KCNIP4: variants seen among roughly 807,000 people sequenced by gnomAD.
KCNIP4 encodes potassium voltage-gated channel interacting protein 4.
In KCNIP4, 12 loss-of-function variants were observed where a neutral mutation model predicts 34.0. That is an observed-to-expected ratio of 0.35 (90% confidence interval 0.23 to 0.57). The LOEUF (loss-of-function observed/expected upper bound fraction) is 0.57, where lower values mean the gene tolerates loss of function less well. Among genes scored for constraint, KCNIP4 ranks in the 20% least tolerant of loss-of-function variants. The pLI is 0.83. For synonymous variants in KCNIP4, 124 were observed against 102.2 expected, an observed-to-expected ratio of 1.21 and a Z score of -1.29; for missense variants, 238 against 311.7, an observed-to-expected ratio of 0.76 and a Z score of 1.78.
chr4:21,687,152 C>T (rs1250934747), intron 1 of KCNIP4, among the ~76,000 whole-genome samples: 1 of 115,398 alleles, frequency 8.7e-6, no homozygotes, highest in Non-Finnish European at 1.7e-5. Flanking sequence ...GGGAATATCA[C>T]ACTCTGGGGA....
At chr4:21,101,912 T>G (rs1577691769) in intron 1 of KCNIP4, among the ~76,000 whole-genome samples, 1 of 152,140 alleles carries the variant, frequency 6.6e-6, no homozygotes. Context: ...ATTAGCTCCT[T>G]TTTTTGAGAT....
At position 21,046,578 on chromosome 4, in the gene KCNIP4, A is replaced by AATTT. The variant is rs150325780; in HGVS notation, c.62-163873_62-163870dup. Among the ~76,000 whole-genome samples the AATTT allele has an allele frequency of 1.4e-3, 168 of 117,976 alleles. 1 individual carries two copies. The highest frequency in any genetic ancestry group is 6.6e-3 in the East Asian group (25 of 3,782). The allele number at this position is 117,976 out of a possible 152,430, so 77.4% of individuals were successfully genotyped here. A position where few individuals can be genotyped will look rare whatever the true frequency, so the allele number is the denominator to read the frequency against. ...CTGTTGAGGGACAGAGTTACTAGCT[A>AATTT]ATTTATTTATTTATTTATTTATTTA... is the stretch of plus-strand genomic sequence containing the variant. On this transcript the variant is annotated intron_variant, in intron 1 of 8. Coordinates refer to ENST00000382152, the MANE Select transcript of KCNIP4 (RefSeq NM_025221.6).
chr4:21,400,325 T>G (rs1325844360), intron 1 of KCNIP4, among the ~76,000 whole-genome samples: 1 of 148,894 alleles, frequency 6.7e-6, no homozygotes, highest in African/African-American at 2.6e-5. Flanking sequence ...GATGGATTAG[T>G]ATGGATGGTG....
chr4:21,708,295 C>T (rs1021241894), intron 1 of KCNIP4, among the ~76,000 whole-genome samples: 1 of 151,968 alleles, frequency 6.6e-6, no homozygotes, highest in Non-Finnish European at 1.5e-5. Flanking sequence ...ACACTCTTAC[C>T]CATTTTTTCT....
At chr4:21,299,231 GTTTTA>G (rs1263783711) in intron 1 of KCNIP4, among the ~76,000 whole-genome samples, 10 of 151,792 alleles carry the variant, frequency 6.6e-5, no homozygotes, top group African/African-American at 9.7e-5. Context: ...ATTTATAATT[GTTTTA>G]TTTTATAGCT....
At chr4:21,563,429 G>A (rs551207908) in intron 1 of KCNIP4, among the ~76,000 whole-genome samples, 1 of 151,996 alleles carries the variant, frequency 6.6e-6, no homozygotes, top group Non-Finnish European at 1.5e-5. Flanking sequence ...CTTTCTGTGT[G>A]TTACTATATT....
intron 1 of KCNIP4, among the ~76,000 whole-genome samples, chr4:21,644,711 T>C (rs537218688): frequency 8.5e-5 from 13 of 152,144 alleles, no homozygotes; most frequent in African/African-American, 1.4e-4. Context: ...CATTTAGTAA[T>C]TTATTTATAC....
chr4:21,176,022 T>C (rs1754382162), intron 1 of KCNIP4, among the ~76,000 whole-genome samples: 2 of 152,166 alleles, frequency 1.3e-5, no homozygotes. Flanking sequence ...TCTACTGAAA[T>C]AGTCCAGAAT....
chr4:21,217,987 G>GTTTTT (rs57025407), intron 1 of KCNIP4, among the ~76,000 whole-genome samples: 191 of 145,392 alleles, frequency 1.3e-3, no homozygotes, highest in African/African-American at 4.4e-3. Flanking sequence ...CCCCTGTATA[G>GTTTTT]TTTTTTTTTT....
At chr4:21,805,218 C>A (rs1578012457) in intron 1 of KCNIP4, among the ~76,000 whole-genome samples, 1 of 152,130 alleles carries the variant, frequency 6.6e-6, no homozygotes, top group Non-Finnish European at 1.5e-5. Flanking sequence ...AAAGCTATTA[C>A]CAAACAAAAG....
chr4:21,581,000 AT>A (rs1741160907), intron 1 of KCNIP4, among the ~76,000 whole-genome samples: 1 of 152,092 alleles, frequency 6.6e-6, no homozygotes, highest in African/African-American at 2.4e-5. Context: ...AGCTAAACTT[AT>A]AAACTGTAGT....
At chr4:21,511,767 T>C (rs1478671765) in intron 1 of KCNIP4, among the ~76,000 whole-genome samples, 1 of 152,154 alleles carries the variant, frequency 6.6e-6, no homozygotes, top group African/African-American at 2.4e-5. Flanking sequence ...AGCTGCCCCT[T>C]AGAGTCCCGT....
chr4:20,748,379 T>TA (rs1752821454), intron 5 of KCNIP4, among the ~76,000 whole-genome samples: 1 of 151,876 alleles, frequency 6.6e-6, no homozygotes, highest in Admixed American at 6.6e-5. Context: ...GACTGTCCTT[T>TA]AGACAGTCCA....
intron 1 of KCNIP4, among the ~76,000 whole-genome samples, chr4:21,106,074 C>G (rs1390479464): frequency 6.6e-6 from 1 of 151,596 alleles, no homozygotes; most frequent in Admixed American, 6.6e-5. Context: ...GGTTGTGTCT[C>G]TGCCTGGCTT....
chr4:21,031,793 TCTACATCG>T (rs1313407992), intron 1 of KCNIP4, among the ~76,000 whole-genome samples: 3 of 152,212 alleles, frequency 2.0e-5, no homozygotes, highest in African/African-American at 7.2e-5. Context: ...TCCGGCCAAC[TCTACATCG>T]CTAGCTTTTT....
intron 1 of KCNIP4, among the ~76,000 whole-genome samples, chr4:21,038,188 G>A (rs1741626168): frequency 1.3e-5 from 2 of 152,014 alleles, no homozygotes; most frequent in African/African-American, 2.4e-5. Context: ...ACGTTGGCCA[G>A]ATGGTCTCGA....
chr4:21,016,367 C>T (rs570471158), intron 1 of KCNIP4, among the ~76,000 whole-genome samples: 4 of 150,846 alleles, frequency 2.7e-5, no homozygotes, highest in Admixed American at 2.6e-4. Context: ...GGCCCAATCT[C>T]AGCACACTGC....
intron 1 of KCNIP4, chr4:21,847,739 C>A (rs1438328599): frequency 6.6e-6 from 1 of 152,088 alleles, no homozygotes; most frequent in Non-Finnish European, 1.5e-5. Context: ...CTGTTGTCAT[C>A]CCTTACACAA....
intron 1 of KCNIP4, among the ~76,000 whole-genome samples, chr4:21,092,791 C>T (rs73802469): frequency 0.17 from 25,600 of 152,180 alleles, 2,240 homozygotes; most frequent in East Asian, 0.24. Flanking sequence ...TCTGGAAACT[C>T]CTCAAGAACT....
Sources: gnomAD v4.1 joint callset for allele counts (sites outside exome capture counted in the v4.1 genomes callset) on GRCh38, gnomAD v4.1.1 for gene constraint, MANE v1.5 for transcripts, NCBI Gene and HGNC (gene_info 2026-07-23, HGNC 2026-07-21) for gene names.